Variants in OPCML observed in about 807,000 individuals in gnomAD.
OPCML encodes opioid-binding protein/cell adhesion molecule.
OPCML carries 13 observed loss-of-function variants against 37.8 expected under a neutral mutation model. The ratio of observed to expected loss-of-function variants is 0.34; its 90% CI spans 0.22 to 0.55. The LOEUF (loss-of-function observed/expected upper bound fraction) is 0.55, where lower values mean the gene tolerates loss of function less well. Among genes scored for constraint, OPCML ranks in the 20% least tolerant of loss-of-function variants. The pLI, the probability that OPCML is intolerant of heterozygous loss-of-function variation, is 0.91. For synonymous variants in OPCML, 176 were observed against 168.8 expected (o/e 1.04, Z -0.33); for missense variants, 341 against 435.6 (o/e 0.78, Z 1.93).
intron 1 of OPCML, among the ~76,000 whole-genome samples, chr11:133,332,340 G>T (rs1943637507): frequency 6.6e-6 from 1 of 152,108 alleles, no homozygotes; most frequent in South Asian, 2.1e-4. Context: ...TGGCTATGGG[G>T]TTTTCTAGCT....
At chr11:133,363,155 C>T (rs181370247) in intron 1 of OPCML, among the ~76,000 whole-genome samples, 26 of 152,124 alleles carry the variant, frequency 1.7e-4, no homozygotes, top group African/African-American at 5.8e-4. Context: ...TTATCCAGGA[C>T]TGAGGGAGGA....
chr11:133,140,543 G>T (rs1400628959), intron 1 of OPCML, among the ~76,000 whole-genome samples: 7,163 of 96,880 alleles, frequency 0.074, 271 homozygotes, highest in African/African-American at 0.16. Flanking sequence ...AGAAGAAGAA[G>T]AAGAAGAAGA....
intron 2 of OPCML, among the ~76,000 whole-genome samples, chr11:132,724,822 G>A (rs1368518875): frequency 1.3e-5 from 2 of 152,196 alleles, no homozygotes; most frequent in Non-Finnish European, 2.9e-5. Context: ...CCCCATGCAA[G>A]TCTGAAATCC....
intron 2 of OPCML, among the ~76,000 whole-genome samples, chr11:132,764,022 C>A (rs1044604388): frequency 1.2e-4 from 19 of 152,226 alleles, no homozygotes; most frequent in Admixed American, 3.3e-4. Flanking sequence ...GGCATTATGC[C>A]AGTCACCTTA....
chr11:132,579,410 T>TGC (rs1565681157), intron 3 of OPCML, among the ~76,000 whole-genome samples: 1 of 151,598 alleles, frequency 6.6e-6, no homozygotes, highest in Non-Finnish European at 1.5e-5. Flanking sequence ...TGTGTGTGTG[T>TGC]GTGTGTGATG....
intron 2 of OPCML, among the ~76,000 whole-genome samples, chr11:132,901,410 A>G (rs1431216659): frequency 6.6e-6 from 1 of 152,214 alleles, no homozygotes; most frequent in Non-Finnish European, 1.5e-5. Context: ...AAAGCGTGCA[A>G]TGGGAAAATA....
At chr11:133,200,792 A>G (rs1444424686) in intron 1 of OPCML, among the ~76,000 whole-genome samples, 1 of 152,236 alleles carries the variant, frequency 6.6e-6, no homozygotes, top group Non-Finnish European at 1.5e-5. Context: ...ACATAGCCAA[A>G]GGAATATAAA....
At chr11:133,452,964 A>G (rs1425470302) in intron 1 of OPCML, among the ~76,000 whole-genome samples, 1 of 148,280 alleles carries the variant, frequency 6.7e-6, no homozygotes, top group Non-Finnish European at 1.5e-5. Context: ...ATCTTCAGCA[A>G]CTTGTCTGTA....
At chr11:133,064,047 A>T (rs1398046392) in intron 1 of OPCML, among the ~76,000 whole-genome samples, 1 of 152,184 alleles carries the variant, frequency 6.6e-6, no homozygotes, top group Non-Finnish European at 1.5e-5. Flanking sequence ...TTTAACCACA[A>T]AACAAAACAC....
At chr11:133,283,256 C>G (rs533335163) in intron 1 of OPCML, among the ~76,000 whole-genome samples, 3 of 152,072 alleles carry the variant, frequency 2.0e-5, no homozygotes, top group African/African-American at 7.2e-5. Flanking sequence ...ATTTCAGTCA[C>G]GGGGGCAGAT....
chr11:132,972,040 C>T (rs1946354313), intron 1 of OPCML, among the ~76,000 whole-genome samples: 1 of 152,198 alleles, frequency 6.6e-6, no homozygotes, highest in Non-Finnish European at 1.5e-5. Flanking sequence ...TACTTGCCAT[C>T]CCAGGTACTC....
chr11:133,085,586 C>T (rs114494722), intron 1 of OPCML, among the ~76,000 whole-genome samples: 533 of 152,290 alleles, frequency 3.5e-3, no homozygotes, highest in African/African-American at 0.012. Context: ...GTGGTGTAGC[C>T]TGATGAATGT....
Position 133,206,869 on chromosome 11 carries a change from T to C in OPCML, c.62-263859A>G, listed in dbSNP as rs921050891. Reference sequence around the variant, plus strand: ...ACAGCTACGGTGACCTATTCATGTCTTAGGACGGGTAGGTGGAGGGAGCCT... The same window carrying C: ...ACAGCTACGGTGACCTATTCATGTCCTAGGACGGGTAGGTGGAGGGAGCCT... On this transcript the variant is annotated intron_variant, in intron 1 of 7. Transcript: ENST00000524381. The surrounding 1 kb of genome is among the most constrained non-coding windows in gnomAD (Gnocchi z 4.7). Among the ~76,000 whole-genome samples the C allele has an allele frequency of 6.6e-6, 1 of 152,176 alleles. No individual in the cohort carries two copies. The highest frequency in any genetic ancestry group is 1.5e-5 in the Non-Finnish European group (1 of 68,030).
intron 1 of OPCML, among the ~76,000 whole-genome samples, chr11:133,483,593 C>A (rs1357766537): frequency 4.0e-5 from 6 of 150,152 alleles, no homozygotes; most frequent in African/African-American, 1.2e-4. Flanking sequence ...TAGATAGATT[C>A]ATAGATAGAA....
At chr11:133,495,643 T>C (rs1203430356) in intron 1 of OPCML, among the ~76,000 whole-genome samples, 1 of 152,216 alleles carries the variant, frequency 6.6e-6, no homozygotes, top group African/African-American at 2.4e-5. Flanking sequence ...TTTGCATTTC[T>C]TTGACCATTA....
intron 3 of OPCML, among the ~76,000 whole-genome samples, chr11:132,543,684 G>A (rs1253943280): frequency 1.3e-5 from 2 of 151,736 alleles, no homozygotes; most frequent in African/African-American, 2.4e-5. Flanking sequence ...CCAGGGCTTG[G>A]GTGTAGCATA....
chr11:133,043,344 T>C (rs946082852), intron 1 of OPCML, among the ~76,000 whole-genome samples: 3 of 152,234 alleles, frequency 2.0e-5, no homozygotes, highest in African/African-American at 7.2e-5. Flanking sequence ...CAAGCCATTC[T>C]TAAGGAGCCA....
chr11:132,729,549 C>G (rs925848139), intron 2 of OPCML, among the ~76,000 whole-genome samples: 1 of 152,194 alleles, frequency 6.6e-6, no homozygotes, highest in East Asian at 1.9e-4. Flanking sequence ...GGTACATCGT[C>G]TGTCTCCTTT....
intron 3 of OPCML, among the ~76,000 whole-genome samples, chr11:132,641,064 A>G (rs918059037): frequency 4.6e-5 from 7 of 152,144 alleles, no homozygotes; most frequent in Admixed American, 4.6e-4. Flanking sequence ...TCTACACACC[A>G]GGGGCCTACA....
Sources: gnomAD v4.1 joint callset for allele counts (sites outside exome capture counted in the v4.1 genomes callset) on GRCh38, gnomAD v4.1.1 for gene constraint, Gnocchi (gnomAD v3.1) non-coding constraint, MANE v1.5 for transcripts, NCBI Gene and HGNC (gene_info 2026-07-23, HGNC 2026-07-21) for gene names.